The following ECE1 variants were observed in gnomAD, a reference collection of about 807,000 sequenced individuals.
The protein encoded by ECE1 is endothelin converting enzyme 1, also known as endothelin-converting enzyme 1.
Under a neutral mutation model 98.6 loss-of-function variants are expected in ECE1, and 35 were observed. That is an observed-to-expected ratio of 0.35 (90% CI 0.27 to 0.47). The LOEUF is 0.47. ECE1 is among the 20% of genes least tolerant of loss of function. The probability of loss-of-function intolerance (pLI) is 1.00; values close to 1 mark genes in which losing one functional copy is unlikely to be tolerated. For missense variants in ECE1, 814 were observed against 1,025.3 expected (o/e 0.79, Z 2.81); for synonymous variants, 394 against 407.1 (o/e 0.97, Z 0.39).
In ECE1 at chr1:21,225,238, C is replaced by A; in HGVS notation, c.2040+12G>T. 6.2e-7 allele frequency: 1 copy of A among 1,613,624 alleles called. No homozygotes were observed. The highest frequency in any genetic ancestry group is 8.5e-7 in the Non-Finnish European group (1 of 1,179,942). ...ACTGGGACCGTGCGCGTGTGGGGAGCGGGGCTCTCACCCGATAGGCCGCCT... is the reference window on the plus strand; with the variant it reads ...ACTGGGACCGTGCGCGTGTGGGGAGAGGGGCTCTCACCCGATAGGCCGCCT... On this transcript the variant is annotated intron_variant, in intron 17 of 18. Transcript: ENST00000374893. This position sits in a 1 kb window ranked among gnomAD's most constrained non-coding sequence, Gnocchi z 5.3.
chr1:21,281,684 GTGTTTTGTTTTGTTT>G (rs373128627), intron 2 of ECE1, among the ~76,000 whole-genome samples: 2 of 151,998 alleles, frequency 1.3e-5, no homozygotes, highest in East Asian at 1.9e-4. Flanking sequence ...CCGTGAGACA[GTGTTTTGTTTTGTTT>G]TGTTTTGTTT....
Position 21,235,956 on chromosome 1 carries a change from G to A in ECE1, c.1489-29C>T. The A allele has an allele frequency of 6.2e-7, 1 of 1,607,552 alleles. No individual in the cohort carries two copies. Among genetic ancestry groups the A allele is most frequent in the Admixed American group, 1.7e-5 (1 of 60,024 alleles). On this transcript the variant is annotated intron_variant, in intron 12 of 18. Transcript: ENST00000374893. The surrounding 1 kb of genome is among the most constrained non-coding windows in gnomAD (Gnocchi z 4.2). ...GACAGGACAGACAGAGGAAGTGAGT[G>A]CCCGGCAACATCGACCAGGCCAGCC...
chr1:21,254,482 GGAA>G (rs2098217382), intron 8 of ECE1, among the ~76,000 whole-genome samples: 1 of 152,012 alleles, frequency 6.6e-6, no homozygotes, highest in African/African-American at 2.4e-5. Flanking sequence ...TCCTCTGCTT[GGAA>G]GAAGAGAGCA....
chr1:21,234,039 G>T (rs1367708892), intron 13 of ECE1, among the ~76,000 whole-genome samples: 1 of 151,976 alleles, frequency 6.6e-6, no homozygotes, highest in Non-Finnish European at 1.5e-5. Flanking sequence ...CCAGGCTGGA[G>T]TGCAATGGCA....
At chr1:21,273,350 T>TGTGC (rs746964958) in intron 3 of ECE1, among the ~76,000 whole-genome samples, 18 of 76,212 alleles carry the variant, frequency 2.4e-4, no homozygotes, top group African/African-American at 1.4e-3. Flanking sequence ...TGTGTGCGTG[T>TGTGC]GTGTGTGTGT....
intron 1 of ECE1, among the ~76,000 whole-genome samples, chr1:21,297,863 G>C (rs553454904): frequency 1.4e-5 from 2 of 146,186 alleles, no homozygotes; most frequent in Non-Finnish European, 3.0e-5. Context: ...TAAGAGACTA[G>C]GTCTCGCTCT....
intron 4 of ECE1, among the ~76,000 whole-genome samples, chr1:21,261,960 T>A (rs2098227540): frequency 6.6e-6 from 1 of 152,176 alleles, no homozygotes; most frequent in Non-Finnish European, 1.5e-5. Context: ...TCTGGCGTAG[T>A]CACTTGGAGC....
rs750469205 is a variant in ECE1 at position 21,279,461 on chromosome 1, G to A, written c.139-129C>T. 3.2e-6 allele frequency: 5 copies of A among 1,547,860 alleles called. No individual in the cohort carries two copies. The South Asian group carries it at 3.5e-5, about 11-fold the overall frequency. ...AGGGCTGCCTCCTGTCTCAGGGGTG[G>A]TCTGGTTCCCACAGATTCAGCCCTA... On this transcript the variant is annotated intron_variant, in intron 2 of 18. Transcript: ENST00000374893.
Position 21,236,743 on chromosome 1 carries a change from C to T in ECE1, c.1488+3G>A. Reference sequence around the variant, plus strand: ...CCCCCTCCAAGTGCCTGGCCAGCCTCACCTTTTCCTTGGCTGATTTTCGGG... The same window carrying T: ...CCCCCTCCAAGTGCCTGGCCAGCCTTACCTTTTCCTTGGCTGATTTTCGGG... On this transcript the variant is annotated splice_donor_region_variant and intron_variant, in intron 12 of 18. Transcript: ENST00000374893. 1 of 1,614,010 alleles carries T rather than the reference C, an allele frequency of 6.2e-7. No individual in the cohort carries two copies. Among genetic ancestry groups the T allele is most frequent in the Non-Finnish European group, 8.5e-7 (1 of 1,180,006 alleles).
intron 1 of ECE1, among the ~76,000 whole-genome samples, chr1:21,309,589 C>T (rs1366939105): frequency 1.3e-5 from 2 of 152,086 alleles, no homozygotes; most frequent in Non-Finnish European, 2.9e-5. Flanking sequence ...TGCCATTGTC[C>T]CAAGCAGGTC....
In ECE1 at chr1:21,307,495, C is replaced by T. The variant is rs548584570; in HGVS notation, c.4-17339G>A. 1.3e-5 allele frequency among the ~76,000 whole-genome samples: 2 copies of T among 152,274 alleles called. No individual in the cohort carries two copies. The highest frequency in any genetic ancestry group is 2.1e-4 in the South Asian group (1 of 4,828). ...AAAGTGCCAAGCACAGTGGCTGGCA[C>T]ATATTAAGTATTTCATAAAAAGCAA... On this transcript the variant is annotated intron_variant, in intron 1 of 18. Coordinates refer to the ECE1 transcript ENST00000415912. This position sits in a 1 kb window ranked among gnomAD's most constrained non-coding sequence, Gnocchi z 4.2.
At chr1:21,280,440 A>C (rs2098253089) in intron 2 of ECE1, among the ~76,000 whole-genome samples, 1 of 152,192 alleles carries the variant, frequency 6.6e-6, no homozygotes, top group South Asian at 2.1e-4. Context: ...TGGGTCAGTC[A>C]GAATAAGTAG....
At chr1:21,336,644 C>T (rs1471332282) in intron 1 of ECE1, among the ~76,000 whole-genome samples, 1 of 152,160 alleles carries the variant, frequency 6.6e-6, no homozygotes, top group Non-Finnish European at 1.5e-5. Flanking sequence ...GAGATTGAGA[C>T]CATCCTGGCT....
At chr1:21,304,315 C>CAAAAA (rs71014183) in intron 1 of ECE1, among the ~76,000 whole-genome samples, 1 of 48,622 alleles carries the variant, frequency 2.1e-5, no homozygotes, top group Non-Finnish European at 3.4e-5. Context: ...GACTCCCTCT[C>CAAAAA]AAAAAAAAAA....
Position 21,221,924 on chromosome 1 carries a change from T to TC in ECE1, c.2041-83dup, listed in dbSNP as rs1272787058. The TC allele has an allele frequency of 2.4e-6, 3 of 1,262,846 alleles. No individual in the cohort carries two copies. In the African/African-American group the frequency reaches 4.4e-5, roughly 19 times the overall value. 78.2% of individuals were successfully genotyped at this position (1,262,846 alleles called of 1,614,324 possible). ...GACTGGTATGGAGGTCTCAGGGAGC[T>TC]CCCCCGTGTTGGGGCAAGGACTAGT... On this transcript the variant is annotated intron_variant, in intron 17 of 18. Transcript: ENST00000374893.
Position 21,218,792 on chromosome 1 carries a change from C to A in ECE1, c.*1163G>T, listed in dbSNP as rs1033959193. On this transcript the variant is annotated 3_prime_UTR_variant, in exon 19 of 19. Transcript: ENST00000374893. The surrounding 1 kb of genome is among the most constrained non-coding windows in gnomAD (Gnocchi z 4.0). ...TTTTAGTAGAGATGGGGTTTCACCA[C>A]GTTGGCCAGGCTGGTCTCAAACTCC... 6.6e-6 allele frequency: 1 copy of A among 152,060 alleles called. No homozygotes were observed. The highest frequency in any genetic ancestry group is 1.5e-5 in the Non-Finnish European group (1 of 68,062). 9.4% of individuals were successfully genotyped at this position (152,060 alleles called of 1,614,324 possible).
Position 21,247,346 on chromosome 1 carries a change from G to A in ECE1, c.1038C>T (p.Ile346=). The change falls in exon 9 of 19, where the codon ATC becomes ATT. Residue 346 remains isoleucine (I), a synonymous_variant. Transcript: ENST00000374893. The stretch of plus-strand genomic sequence containing the variant: ...TGGTGTTGAGAAAAGGCAACCAGTT[G>A]ATGGCGGGTGCCAAGGTCTGCAAGG... ...AAELQTLAPA[I]NWLPFLNTIF... is the part of the protein sequence containing the mutation. 6.2e-7 allele frequency: 1 copy of A among 1,614,226 alleles called. No homozygotes were observed. Among genetic ancestry groups the A allele is most frequent in the East Asian group, 2.2e-5 (1 of 44,886 alleles).
rs970615177 is a variant in ECE1, at chr1:21,233,994, CT to C, written c.1567-334del. ...CAGACTACTAAGCATTTCTTTCTTTCTTTTTTTTTTGAGACGGGAATCTTGA... is the reference window on the plus strand; with the variant it reads ...CAGACTACTAAGCATTTCTTTCTTTCTTTTTTTTTGAGACGGGAATCTTGA... On this transcript the variant is annotated intron_variant, in intron 13 of 18. Transcript: ENST00000374893. This position sits in a 1 kb window ranked among gnomAD's most constrained non-coding sequence, Gnocchi z 4.0. 6.0e-5 allele frequency among the ~76,000 whole-genome samples: 9 copies of C among 149,340 alleles called. No individual in the cohort carries two copies. Among genetic ancestry groups the C allele is most frequent in the South Asian group, 4.3e-4 (2 of 4,676 alleles).
intron 2 of ECE1, among the ~76,000 whole-genome samples, chr1:21,288,802 C>T (rs2098263320): frequency 6.6e-6 from 1 of 152,170 alleles, no homozygotes; most frequent in African/African-American, 2.4e-5. Context: ...GTGTCGCTCT[C>T]GGATTTTTAG....
Sources: allele counts gnomAD v4.1 joint callset (sites outside exome capture counted in the v4.1 genomes callset), GRCh38; gene constraint gnomAD v4.1.1; non-coding constraint Gnocchi (gnomAD v3.1); transcripts MANE v1.5; gene names NCBI Gene and HGNC (gene_info 2026-07-23, HGNC 2026-07-21).